Variants in CCBE1 observed in about 807,000 individuals in gnomAD.
CCBE1 encodes the protein collagen and calcium-binding EGF domain-containing protein 1.
CCBE1 carries 37 observed loss-of-function variants against 50.0 expected under a neutral mutation model. The observed-to-expected ratio is 0.74, with a 90% confidence interval of 0.57 to 0.97. The LOEUF (loss-of-function observed/expected upper bound fraction) is 0.97, where lower values mean the gene tolerates loss of function less well. Among genes scored for constraint, CCBE1 ranks in the 50% least tolerant of loss-of-function variants. CCBE1 has a pLI of 0.00. For synonymous variants in CCBE1, 234 were observed against 203.7 expected (o/e 1.15, Z -1.27); for missense variants, 538 against 523.8 (o/e 1.03, Z -0.26).
intron 2 of CCBE1, among the ~76,000 whole-genome samples, chr18:59,681,950 C>T (rs1029515660): frequency 2.6e-5 from 4 of 152,176 alleles, no homozygotes; most frequent in Non-Finnish European, 5.9e-5. Flanking sequence ...CCCTGTCAGA[C>T]GGTCAGACCT....
chr18:59,651,427 A>G (rs1180557638), intron 2 of CCBE1, among the ~76,000 whole-genome samples: 1 of 152,246 alleles, frequency 6.6e-6, no homozygotes, highest in Admixed American at 6.5e-5. Context: ...ACTGCATGCC[A>G]AACGCTGGTT....
At chr18:59,453,287 G>C (rs527959687) in intron 6 of CCBE1, among the ~76,000 whole-genome samples, 1 of 152,200 alleles carries the variant, frequency 6.6e-6, no homozygotes, top group Non-Finnish European at 1.5e-5. Flanking sequence ...CTTATGAAAT[G>C]CAAACTTACT....
intron 2 of CCBE1, among the ~76,000 whole-genome samples, chr18:59,621,942 T>TA (rs2053715717): frequency 6.6e-6 from 1 of 152,166 alleles, no homozygotes; most frequent in African/African-American, 2.4e-5. Context: ...GCCATGGACT[T>TA]ACCCTCACAG....
intron 2 of CCBE1, among the ~76,000 whole-genome samples, chr18:59,613,363 T>C (rs1226703956): frequency 6.6e-6 from 1 of 152,206 alleles, no homozygotes; most frequent in Non-Finnish European, 1.5e-5. Context: ...ATTCAAGAGT[T>C]GTTTTGTCTT....
chr18:59,642,727 A>G (rs1245163975), intron 2 of CCBE1, among the ~76,000 whole-genome samples: 1 of 152,004 alleles, frequency 6.6e-6, no homozygotes, highest in Non-Finnish European at 1.5e-5. Flanking sequence ...AGGCAGGTGA[A>G]TCATGAGGTC....
intron 9 of CCBE1, among the ~76,000 whole-genome samples, chr18:59,438,766 A>G (rs559610899): frequency 3.9e-5 from 6 of 152,292 alleles, no homozygotes; most frequent in Admixed American, 2.0e-4. Flanking sequence ...TCTATCTGGT[A>G]TCTGTGTCTC....
chr18:59,673,230 G>A lies in CCBE1; in HGVS notation c.212+23399C>T, dbSNP rs567892584. Among the ~76,000 whole-genome samples the A allele has an allele frequency of 7.9e-5, 12 of 152,192 alleles. No individual in the cohort carries two copies. In the South Asian group the frequency reaches 2.5e-3, roughly 32 times the overall value. ...CTGTGGGAGGTCAAGGAGGGTGAAT[G>A]ACTTGAGGTCAGGAGTTTGAGACCA... On this transcript the variant is annotated intron_variant, in intron 2 of 10. Coordinates refer to ENST00000439986, the MANE Select transcript of CCBE1 (RefSeq NM_133459.4).
chr18:59,692,655 A>G (rs1343675620), intron 2 of CCBE1, among the ~76,000 whole-genome samples: 2 of 152,208 alleles, frequency 1.3e-5, no homozygotes, highest in Non-Finnish European at 2.9e-5. Context: ...AAAACATCAC[A>G]TTAATTTTCA....
chr18:59,547,848 C>CA (rs1308134533), intron 2 of CCBE1, among the ~76,000 whole-genome samples: 1 of 152,192 alleles, frequency 6.6e-6, no homozygotes, highest in African/African-American at 2.4e-5. Flanking sequence ...TTGGCTGCCA[C>CA]AGCTGATTCA....
intron 2 of CCBE1, among the ~76,000 whole-genome samples, chr18:59,653,112 A>T (rs950708238): frequency 5.3e-5 from 8 of 152,228 alleles, no homozygotes; most frequent in Non-Finnish European, 1.0e-4. Flanking sequence ...TGTTCCAAAA[A>T]GTCAGCATGT....
At chr18:59,568,513 C>CA (rs548900594) in intron 2 of CCBE1, 17 of 152,286 alleles carry the variant, frequency 1.1e-4, no homozygotes, top group African/African-American at 3.8e-4. Context: ...AGCAAGGTTT[C>CA]AAGAGACTCT....
intron 2 of CCBE1, among the ~76,000 whole-genome samples, chr18:59,598,152 T>C (rs1398707061): frequency 6.6e-6 from 1 of 152,180 alleles, no homozygotes; most frequent in African/African-American, 2.4e-5. Context: ...ACAGAGAGCA[T>C]ACCAGCTAGC....
At chr18:59,604,264 GAC>G (rs958319803) in intron 2 of CCBE1, among the ~76,000 whole-genome samples, 4 of 152,204 alleles carry the variant, frequency 2.6e-5, no homozygotes, top group African/African-American at 9.7e-5. Context: ...TTCAAGACAA[GAC>G]ACAGAGGTTT....
intron 2 of CCBE1, among the ~76,000 whole-genome samples, chr18:59,675,984 G>A (rs999975042): frequency 8.5e-5 from 13 of 152,104 alleles, no homozygotes; most frequent in Non-Finnish European, 1.8e-4. Flanking sequence ...ACATCCCCCC[G>A]CCCTACCTTC....
At chr18:59,664,350 G>A (rs1348535630) in intron 2 of CCBE1, among the ~76,000 whole-genome samples, 2 of 152,154 alleles carry the variant, frequency 1.3e-5, no homozygotes, top group Non-Finnish European at 2.9e-5. Context: ...AGCGCAGCAG[G>A]TGACTGACAT....
intron 2 of CCBE1, among the ~76,000 whole-genome samples, chr18:59,671,825 G>C (rs991352154): frequency 1.3e-5 from 2 of 150,576 alleles, no homozygotes; most frequent in South Asian, 2.1e-4. Context: ...AAAAAAAGGG[G>C]GGGGGTAGTC....
intron 3 of CCBE1, among the ~76,000 whole-genome samples, chr18:59,474,186 G>A (rs113385083): frequency 0.021 from 3,195 of 152,214 alleles, 97 homozygotes; most frequent in African/African-American, 0.071. Flanking sequence ...TGAATAGCAC[G>A]GTGATGAACA....
In CCBE1 at chr18:59,599,295, C is replaced by T. The variant is rs1035163241; in HGVS notation, c.212+97334G>A. On this transcript the variant is annotated intron_variant, in intron 2 of 10. Coordinates refer to ENST00000439986, the MANE Select transcript of CCBE1 (RefSeq NM_133459.4). ...ATGTGCCAGGTACCATGCTGGATACCGTTAATTCATAATCTTATTTAGAAC... is the reference window on the plus strand; with the variant it reads ...ATGTGCCAGGTACCATGCTGGATACTGTTAATTCATAATCTTATTTAGAAC... Among the ~76,000 whole-genome samples, 7 of 152,028 alleles carry T rather than the reference C, an allele frequency of 4.6e-5. No individual in the cohort carries two copies. In the East Asian group the frequency reaches 5.8e-4, roughly 13 times the overall value.
At chr18:59,538,082 C>T (rs764462827) in intron 2 of CCBE1, among the ~76,000 whole-genome samples, 18 of 152,104 alleles carry the variant, frequency 1.2e-4, no homozygotes, top group Non-Finnish European at 2.2e-4. Context: ...TCACTAAATA[C>T]GTCCAATAAG....
Sources: allele counts gnomAD v4.1 joint callset (sites outside exome capture counted in the v4.1 genomes callset), GRCh38; gene constraint gnomAD v4.1.1; transcripts MANE v1.5; gene names NCBI Gene and HGNC (gene_info 2026-07-23, HGNC 2026-07-21).